The following ZNF462 variants were observed in gnomAD, a reference collection of about 807,000 sequenced individuals.
ZNF462 encodes zinc finger protein 462.
A neutral mutation model predicts 201.9 loss-of-function variants in ZNF462; 10 were observed. That is an observed-to-expected ratio of 0.05 (90% CI 0.03 to 0.08). The LOEUF is 0.08. Ranked by LOEUF, ZNF462 falls within the 10% of genes least tolerant of loss-of-function variation. The probability of loss-of-function intolerance (pLI) is 1.00; values close to 1 mark genes in which losing one functional copy is unlikely to be tolerated. For missense variants in ZNF462, 2,523 were observed against 3,168.3 expected, an observed-to-expected ratio of 0.80 and a Z score of 4.89; for synonymous variants, 1,227 against 1,193.3, an observed-to-expected ratio of 1.03 and a Z score of -0.58.
intron 1 of ZNF462, among the ~76,000 whole-genome samples, chr9:106,873,910 A>G (rs977518554): frequency 1.2e-4 from 18 of 152,166 alleles, no homozygotes; most frequent in African/African-American, 4.3e-4. Flanking sequence ...ATAAAATCCT[A>G]ACATTGCTAT....
intron 1 of ZNF462, among the ~76,000 whole-genome samples, chr9:106,889,265 A>G (rs1448170877): frequency 6.6e-6 from 1 of 152,164 alleles, no homozygotes; most frequent in Non-Finnish European, 1.5e-5. Flanking sequence ...GGCCTCAGAA[A>G]TGCTACCTCC....
In ZNF462 at chr9:106,883,175, T is replaced by C. The variant is rs771801102; in HGVS notation, c.-31+19820T>C. 4.6e-5 allele frequency among the ~76,000 whole-genome samples: 7 copies of C among 152,216 alleles called. No homozygotes were observed. Among genetic ancestry groups the C allele is most frequent in the Non-Finnish European group, 8.8e-5 (6 of 68,028 alleles). ...TTAGTCCCAACCTCACTGAAGGACA[T>C]ATTCTGAAGAGCCAGCTCATTAAGC... On this transcript the variant is annotated intron_variant, in intron 1 of 12. Coordinates refer to ENST00000277225, the MANE Select transcript of ZNF462 (RefSeq NM_021224.6). The surrounding 1 kb of genome is among the most constrained non-coding windows in gnomAD (Gnocchi z 4.9).
intron 1 of ZNF462, among the ~76,000 whole-genome samples, chr9:106,864,107 T>C (rs4385524): frequency 0.092 from 9,236 of 100,204 alleles, 588 homozygotes; most frequent in South Asian, 0.16. Flanking sequence ...TCTCTCTCTC[T>C]CTCCCTCTCC....
Position 106,913,137 on chromosome 9 carries a change from AAGG to A in ZNF462, c.-30-10212_-30-10210del, listed in dbSNP as rs1390561926. The stretch of plus-strand genomic sequence containing the variant: ...CAGCTTCTCCATGGATGATGAGGAA[AAGG>A]AGGATGGTCATTTACTTAAAACTCA... On this transcript the variant is annotated intron_variant, in intron 1 of 12. Coordinates refer to ENST00000277225, the MANE Select transcript of ZNF462 (RefSeq NM_021224.6). This position sits in a 1 kb window ranked among gnomAD's most constrained non-coding sequence, Gnocchi z 4.1. Among the ~76,000 whole-genome samples, 1 of 152,206 alleles carries A rather than the reference AAGG, an allele frequency of 6.6e-6. No individual in the cohort carries two copies. Among genetic ancestry groups the A allele is most frequent in the Non-Finnish European group, 1.5e-5 (1 of 68,026 alleles).
In ZNF462 at chr9:106,926,577, C is replaced by T. The variant is rs1830201433; in HGVS notation, c.2665C>T (p.Leu889=). Residue 889 remains leucine (L), a synonymous_variant, in exon 3 of 13, where the codon CTG becomes TTG. Coordinates refer to ENST00000277225, the MANE Select transcript of ZNF462 (RefSeq NM_021224.6). The surrounding 1 kb of genome is among the most constrained non-coding windows in gnomAD (Gnocchi z 7.9). ...PNDHSAVYRC[L]ECYIDYTNFE... is the part of the protein sequence containing the mutation. The stretch of plus-strand genomic sequence containing the variant: ...TGATCACAGTGCAGTGTACAGGTGC[C>T]TGGAATGCTACATCGATTACACCAA... 6.2e-7 allele frequency: 1 copy of T among 1,613,978 alleles called. No homozygotes were observed. Among genetic ancestry groups the T allele is most frequent in the African/African-American group, 1.3e-5 (1 of 74,892 alleles).
At position 106,919,023 on chromosome 9, in the gene ZNF462, A is replaced by G. The variant is rs535378531; in HGVS notation, c.-30-4331A>G. 2.6e-5 allele frequency among the ~76,000 whole-genome samples: 4 copies of G among 152,360 alleles called. No individual in the cohort carries two copies. Among genetic ancestry groups the G allele is most frequent in the African/African-American group, 7.2e-5 (3 of 41,596 alleles). On this transcript the variant is annotated intron_variant, in intron 1 of 12. Coordinates refer to ENST00000277225, the MANE Select transcript of ZNF462 (RefSeq NM_021224.6). The surrounding 1 kb of genome is among the most constrained non-coding windows in gnomAD (Gnocchi z 4.5). ...TGGTTCTATTTCTCAAAGGCTTTGA[A>G]GGTTATAATTAGTTGCTACTGAATC...
intron 1 of ZNF462, among the ~76,000 whole-genome samples, chr9:106,896,504 A>G (rs1828819805): frequency 6.6e-6 from 1 of 152,178 alleles, no homozygotes; most frequent in African/African-American, 2.4e-5. Flanking sequence ...TGAGGTGGTC[A>G]TGGCTAGTAG....
intron 1 of ZNF462, among the ~76,000 whole-genome samples, chr9:106,912,626 T>C (rs184575817): frequency 6.6e-6 from 1 of 152,338 alleles, no homozygotes; most frequent in Non-Finnish European, 1.5e-5. Flanking sequence ...AGATTTTTTT[T>C]CTGGCTTCAG....
chr9:106,929,261 G>T lies in ZNF462; in HGVS notation c.5349G>T (p.Val1783=). The T allele has an allele frequency of 1.2e-6, 2 of 1,614,162 alleles. No individual in the cohort carries two copies. Among genetic ancestry groups the T allele is most frequent in the Non-Finnish European group, 1.7e-6 (2 of 1,180,028 alleles). The change falls in exon 3 of 13, where the codon GTG becomes GTT. Residue 1783 remains valine (V), a synonymous_variant. Coordinates refer to ENST00000277225, the MANE Select transcript of ZNF462 (RefSeq NM_021224.6). The surrounding 1 kb of genome is among the most constrained non-coding windows in gnomAD (Gnocchi z 8.7). ...AGTCGTTCAGCAAGAAGGGCATCGT[G>T]TCCCATTACATGAAACGCCACCCAG... The part of the protein sequence containing the change: ...SFQSFSKKGI[V]SHYMKRHPGV...
rs1421342087 is a variant in ZNF462, at chr9:106,923,082, T to C, written c.-30-272T>C. 6.6e-6 allele frequency among the ~76,000 whole-genome samples: 1 copy of C among 152,234 alleles called. No homozygotes were observed. Among genetic ancestry groups the C allele is most frequent in the Non-Finnish European group, 1.5e-5 (1 of 68,040 alleles). ...AGAAACTTCTAAAACTTTTGAAGTA[T>C]TAAGCGTTTCCTTGACAAATGGCAT... On this transcript the variant is annotated intron_variant, in intron 1 of 12. Coordinates refer to ENST00000277225, the MANE Select transcript of ZNF462 (RefSeq NM_021224.6). This position sits in a 1 kb window ranked among gnomAD's most constrained non-coding sequence, Gnocchi z 5.6.
At chr9:106,915,569 G>A (rs541248265) in intron 1 of ZNF462, among the ~76,000 whole-genome samples, 2 of 152,172 alleles carry the variant, frequency 1.3e-5, no homozygotes, top group African/African-American at 2.4e-5. Flanking sequence ...CTGCTATAAG[G>A]TTGCATTAAT....
chr9:106,943,210 T>C (rs904733515), intron 7 of ZNF462, among the ~76,000 whole-genome samples: 5 of 152,108 alleles, frequency 3.3e-5, no homozygotes, highest in African/African-American at 1.2e-4. Context: ...TCTGTGATAT[T>C]GTGAATTAAT....
intron 1 of ZNF462, among the ~76,000 whole-genome samples, chr9:106,889,852 T>A (rs367892445): frequency 1.3e-5 from 2 of 152,346 alleles, no homozygotes; most frequent in South Asian, 2.1e-4. Context: ...TGTACTATCT[T>A]TATTTGCTGA....
intron 10 of ZNF462, among the ~76,000 whole-genome samples, chr9:107,000,304 G>T (rs1031178849): frequency 6.6e-6 from 1 of 151,796 alleles, no homozygotes; most frequent in Non-Finnish European, 1.5e-5. Context: ...CATCCTCAGG[G>T]CAAGCAGAGA....
Position 106,972,424 on chromosome 9 carries a change from AGGGTAGTTTCAGAAGACTGCTTT to A in ZNF462, c.6695+156_6695+178del. 2 of 1,123,764 alleles carry A rather than the reference AGGGTAGTTTCAGAAGACTGCTTT, an allele frequency of 1.8e-6. No individual in the cohort carries two copies. The highest frequency in any genetic ancestry group is 2.5e-6 in the Non-Finnish European group (2 of 805,098). 69.6% of individuals were successfully genotyped at this position (1,123,764 alleles called of 1,614,324 possible). On this transcript the variant is annotated intron_variant, in intron 8 of 12. Coordinates refer to ENST00000277225, the MANE Select transcript of ZNF462 (RefSeq NM_021224.6). The surrounding 1 kb of genome is among the most constrained non-coding windows in gnomAD (Gnocchi z 4.8). The stretch of plus-strand genomic sequence containing the variant: ...GGTTGGGTCCAGGCTTCATGGAAGG[AGGGTAGTTTCAGAAGACTGCTTT>A]GGGATTTGGGAAGGGATGAAGAGCT...
In ZNF462 at chr9:106,929,356, A is replaced by G. The variant is rs1304321501; in HGVS notation, c.5444A>G (p.His1815Arg). 1.9e-6 allele frequency: 3 copies of G among 1,614,178 alleles called. No individual in the cohort carries two copies. The highest frequency in any genetic ancestry group is 2.2e-5 in the South Asian group (2 of 91,078). Residue 1815 changes from histidine (H) to arginine (R), a missense_variant, in exon 3 of 13, where the codon CAT (histidine) becomes CGT (arginine). Physicochemically the swap from His to Arg is conservative, Grantham distance 29. Transcript: ENST00000277225. The surrounding 1 kb of genome is among the most constrained non-coding windows in gnomAD (Gnocchi z 8.7). ...TTCACGGCCGTCTATGCAGATGAGC[A>G]TGAGAAGCCCACACTGATGGAAGAA... ...GYFTAVYADE[H>R]EKPTLMEEEE...
intron 9 of ZNF462, among the ~76,000 whole-genome samples, chr9:106,980,754 A>C (rs546117960): frequency 6.6e-6 from 1 of 152,220 alleles, no homozygotes; most frequent in Admixed American, 6.5e-5. Flanking sequence ...TGGTGAAGTC[A>C]TAATATTTTT....
chr9:106,960,267 G>T (rs956383821), intron 7 of ZNF462, among the ~76,000 whole-genome samples: 1 of 152,002 alleles, frequency 6.6e-6, no homozygotes, highest in Non-Finnish European at 1.5e-5. Context: ...CTCCACAGTT[G>T]TTCCCTCCGG....
In ZNF462 at chr9:106,928,090, C is replaced by T; in HGVS notation, c.4178C>T (p.Pro1393Leu). The T allele has an allele frequency of 1.2e-6, 2 of 1,614,178 alleles. No individual in the cohort carries two copies. The highest frequency in any genetic ancestry group is 1.7e-6 in the Non-Finnish European group (2 of 1,180,044). The change falls in exon 3 of 13, where the codon CCC (proline) becomes CTC (leucine). Residue 1393 changes from proline (P) to leucine (L), a missense_variant. Coordinates refer to ENST00000277225, the MANE Select transcript of ZNF462 (RefSeq NM_021224.6). The surrounding 1 kb of genome is among the most constrained non-coding windows in gnomAD (Gnocchi z 9.3). Reference protein sequence around the residue: ...DITNHYQAFHPWAMNGDESVL... With the variant: ...DITNHYQAFHLWAMNGDESVL... ...ACTAATCACTACCAAGCATTCCACCCCTGGGCCATGAATGGTGATGAGTCA... is the reference window on the plus strand; with the variant it reads ...ACTAATCACTACCAAGCATTCCACCTCTGGGCCATGAATGGTGATGAGTCA...
Sources: gnomAD v4.1 joint callset for allele counts (sites outside exome capture counted in the v4.1 genomes callset) on GRCh38, gnomAD v4.1.1 for gene constraint, Gnocchi (gnomAD v3.1) non-coding constraint, MANE v1.5 for transcripts, NCBI Gene and HGNC (gene_info 2026-07-23, HGNC 2026-07-21) for gene names.